The following NCOA7 variants were observed in gnomAD, a reference collection of about 807,000 sequenced individuals.
The protein encoded by NCOA7 is nuclear receptor coactivator 7.
A neutral mutation model predicts 104.3 loss-of-function variants in NCOA7; 45 were observed. The ratio of observed to expected loss-of-function variants is 0.43; its 90% CI spans 0.34 to 0.55. NCOA7 has a LOEUF of 0.55. NCOA7 is among the 20% of genes least tolerant of loss of function. The probability of loss-of-function intolerance (pLI) is 0.02; values close to 1 mark genes in which losing one functional copy is unlikely to be tolerated. For missense variants in NCOA7, 1,041 were observed against 1,119.7 expected (o/e 0.93, Z 1.00); for synonymous variants, 398 against 402.3 (o/e 0.99, Z 0.13).
chr6:125,862,857 A>C (rs1782168667), intron 3 of NCOA7, among the ~76,000 whole-genome samples: 1 of 137,620 alleles, frequency 7.3e-6, no homozygotes, highest in Non-Finnish European at 1.5e-5. Context: ...TTAGCTGGAC[A>C]TGTGGTGCAT....
At position 125,907,908 on chromosome 6, in the gene NCOA7, T is replaced by G. The variant is rs148282812; in HGVS notation, c.2097-7425T>G. Among the ~76,000 whole-genome samples, 1,002 of 152,358 alleles carry G rather than the reference T, an allele frequency of 6.6e-3. 11 individuals are homozygous for G. The highest frequency in any genetic ancestry group is 0.022 in the African/African-American group (925 of 41,576). On this transcript the variant is annotated intron_variant, in intron 10 of 15. Transcript: ENST00000392477. ...TTAAAACATAAGGTTGCTTTTCTGCTTAATGTTAAGTGTTTACGACTCTAA... is the reference window on the plus strand; with the variant it reads ...TTAAAACATAAGGTTGCTTTTCTGCGTAATGTTAAGTGTTTACGACTCTAA...
chr6:125,791,446 C>G (rs1184417615), intron 1 of NCOA7, among the ~76,000 whole-genome samples: 1 of 152,222 alleles, frequency 6.6e-6, no homozygotes, highest in Non-Finnish European at 1.5e-5. Context: ...TTAGCAGATG[C>G]GTTCTTCCCA....
chr6:125,809,228 G>A (rs183271616), intron 1 of NCOA7, among the ~76,000 whole-genome samples: 231 of 151,676 alleles, frequency 1.5e-3, no homozygotes, highest in Admixed American at 3.8e-3. Context: ...TCTCTCTGAC[G>A]CCCAGGCTGG....
At chr6:125,839,927 A>G (rs1025762168) in intron 2 of NCOA7, among the ~76,000 whole-genome samples, 1 of 152,052 alleles carries the variant, frequency 6.6e-6, no homozygotes, top group African/African-American at 2.4e-5. Context: ...TGTATTTACT[A>G]CACTAGTTAT....
At chr6:125,848,920 G>A (rs1780868393) in intron 2 of NCOA7, among the ~76,000 whole-genome samples, 1 of 152,188 alleles carries the variant, frequency 6.6e-6, no homozygotes. Context: ...TGAAATGGCT[G>A]TTTGTAGAAG....
At chr6:125,887,196 G>C (rs1236953995) in intron 8 of NCOA7, among the ~76,000 whole-genome samples, 1 of 152,166 alleles carries the variant, frequency 6.6e-6, no homozygotes, top group Non-Finnish European at 1.5e-5. Context: ...ATTTTTGTGG[G>C]GGTCAAGCTA....
chr6:125,836,460 G>A (rs1217725747), intron 2 of NCOA7, among the ~76,000 whole-genome samples: 1 of 152,122 alleles, frequency 6.6e-6, no homozygotes, highest in Non-Finnish European at 1.5e-5. Flanking sequence ...TTGAACTGTA[G>A]CTGATATACT....
At chr6:125,834,066 C>T (rs376077956) in intron 2 of NCOA7, among the ~76,000 whole-genome samples, 12 of 143,518 alleles carry the variant, frequency 8.4e-5, no homozygotes, top group South Asian at 2.3e-4. Context: ...ATTATTAAGA[C>T]GTGACAAAAT....
chr6:125,881,080 C>G lies in NCOA7; in HGVS notation c.460-10C>G. The G allele has an allele frequency of 5.0e-6, 8 of 1,592,986 alleles. No individual in the cohort carries two copies. Among genetic ancestry groups the G allele is most frequent in the Non-Finnish European group, 6.9e-6 (8 of 1,160,914 alleles). On this transcript the variant is annotated splice_polypyrimidine_tract_variant and intron_variant, in intron 5 of 15. Coordinates refer to ENST00000392477, the MANE Select transcript of NCOA7 (RefSeq NM_181782.5). ...CTGGTACTCACCCATCTGTTCTCTC[C>G]CATTCTCAGGTCCTTTTTGTGCCAG...
chr6:125,859,526 G>C (rs1781867265), intron 3 of NCOA7, among the ~76,000 whole-genome samples: 1 of 152,162 alleles, frequency 6.6e-6, no homozygotes, highest in Non-Finnish European at 1.5e-5. Context: ...GTAACAATAT[G>C]TTGATAGTTG....
chr6:125,891,586 A>C (rs1273410345), intron 10 of NCOA7, among the ~76,000 whole-genome samples: 3 of 152,212 alleles, frequency 2.0e-5, no homozygotes, highest in Non-Finnish European at 4.4e-5. Flanking sequence ...ATCTAGCCAG[A>C]TATTCTGGCT....
At chr6:125,797,947 A>G (rs1263782343) in intron 1 of NCOA7, 5 of 152,236 alleles carry the variant, frequency 3.3e-5, no homozygotes. Flanking sequence ...TAGGAATAGA[A>G]TATTCACAAA....
chr6:125,915,510 T>C, intron 11 of NCOA7, 30 bp downstream of exon 11: 1 of 1,612,874 alleles, frequency 6.2e-7, no homozygotes, highest in Non-Finnish European at 8.5e-7. Flanking sequence ...TAGACCGTCG[T>C]AGTTCCTAAG....
intron 5 of NCOA7, among the ~76,000 whole-genome samples, chr6:125,880,051 G>T (rs1379526196): frequency 2.0e-5 from 3 of 152,176 alleles, no homozygotes; most frequent in Non-Finnish European, 4.4e-5. Context: ...AATGTAGCAT[G>T]TCTCATTAAA....
Position 125,927,762 on chromosome 6 carries a change from C to T in NCOA7, c.2619+4C>T. The stretch of plus-strand genomic sequence containing the variant: ...CACATTCAGCCCTCATTTTAAGGTA[C>T]CTAGATAGGAGAAATATCCAACTCC... On this transcript the variant is annotated splice_donor_region_variant and intron_variant, in intron 14 of 15. Coordinates refer to ENST00000392477, the MANE Select transcript of NCOA7 (RefSeq NM_181782.5). 1 of 1,605,662 alleles carries T rather than the reference C, an allele frequency of 6.2e-7. No individual in the cohort carries two copies. The highest frequency in any genetic ancestry group is 8.5e-7 in the Non-Finnish European group (1 of 1,172,376).
intron 10 of NCOA7, chr6:125,913,535 A>G (rs1355803398): frequency 5.5e-6 from 3 of 545,302 alleles, no homozygotes; most frequent in Non-Finnish European, 7.0e-6. Context: ...CATCATACCC[A>G]TGTACAATCA....
At chr6:125,851,118 A>G (rs1055390405) in intron 2 of NCOA7, among the ~76,000 whole-genome samples, 1 of 152,132 alleles carries the variant, frequency 6.6e-6, no homozygotes, top group Non-Finnish European at 1.5e-5. Flanking sequence ...TATTAATTAT[A>G]TGATTATTTC....
intron 8 of NCOA7, 82 bp downstream of exon 8, chr6:125,885,425 T>G (rs750631630): frequency 1.0e-5 from 14 of 1,396,130 alleles, no homozygotes; most frequent in Non-Finnish European, 1.4e-5. Context: ...ATTTGCATGA[T>G]TGAGGGATTG....
At chr6:125,811,495 T>C (rs577910468) in intron 1 of NCOA7, among the ~76,000 whole-genome samples, 4 of 152,220 alleles carry the variant, frequency 2.6e-5, no homozygotes, top group African/African-American at 7.2e-5. Flanking sequence ...ATAAGCTCTT[T>C]AGGGGAGAGG....
Sources: allele counts gnomAD v4.1 joint callset (sites outside exome capture counted in the v4.1 genomes callset), GRCh38; gene constraint gnomAD v4.1.1; transcripts MANE v1.5; gene names NCBI Gene and HGNC (gene_info 2026-07-23, HGNC 2026-07-21).